TMEM245: variants seen among roughly 807,000 people sequenced by gnomAD.
The protein encoded by TMEM245 is transmembrane protein 245, also known as protein CG-2.
TMEM245 carries 69 observed loss-of-function variants against 101.2 expected under a neutral mutation model. The observed-to-expected ratio is 0.68, with a 90% CI of 0.56 to 0.83. The LOEUF is 0.83. Among genes scored for constraint, TMEM245 ranks in the 40% least tolerant of loss-of-function variants. The probability of loss-of-function intolerance (pLI) is 0.00; values close to 1 mark genes in which losing one functional copy is unlikely to be tolerated. For missense variants in TMEM245, 1,075 were observed against 1,092.8 expected (o/e 0.98, Z 0.23); for synonymous variants, 537 against 449.8 (o/e 1.19, Z -2.45).
At chr9:109,080,216 C>T (rs1205800308) in intron 8 of TMEM245, among the ~76,000 whole-genome samples, 2 of 151,780 alleles carry the variant, frequency 1.3e-5, no homozygotes, top group South Asian at 2.1e-4. Flanking sequence ...GAGTTCAATA[C>T]GGTTCAGATA....
chr9:109,044,948 T>C (rs1026463027), intron 14 of TMEM245, among the ~76,000 whole-genome samples: 4 of 151,886 alleles, frequency 2.6e-5, no homozygotes, highest in African/African-American at 9.7e-5. Flanking sequence ...TTAGTGGAGA[T>C]GGGGTTTCTC....
At position 109,033,407 on chromosome 9, in the gene TMEM245, T is replaced by C; in HGVS notation, c.2494A>G (p.Ile832Val). ...TAGATATTGGAAGCAACCACAAGTA[T>C]GCAGAGAAGAATAGGACCGATGATT... The part of the protein sequence containing the change: ...GAIIGPILLC[I>V]LVVASNIYSA... Residue 832 changes from isoleucine to valine, a missense_variant, in exon 17 of 18, where the codon ATA (isoleucine) becomes GTA (valine). Around this residue, in one of 2 missense-constraint regions of TMEM245, gnomAD observed 267 missense variants for 351.3 expected, o/e 0.76. Transcript: ENST00000374586. 6.2e-7 allele frequency: 1 copy of C among 1,614,170 alleles called. No individual in the cohort carries two copies. The highest frequency in any genetic ancestry group is 1.1e-5 in the South Asian group (1 of 91,086).
chr9:109,028,454 C>CA (rs3060541), intron 17 of TMEM245, among the ~76,000 whole-genome samples: 41,084 of 137,614 alleles, frequency 0.3, 7,230 homozygotes, highest in Admixed American at 0.44. Flanking sequence ...CACTCCATCT[C>CA]AAAAAAAAAA....
chr9:109,117,177 T>C (rs1307999054), intron 1 of TMEM245, among the ~76,000 whole-genome samples: 1 of 152,092 alleles, frequency 6.6e-6, no homozygotes, highest in Non-Finnish European at 1.5e-5. Context: ...TGGTGCAATC[T>C]TGGCTCACTC....
At chr9:109,090,480 T>G (rs1163114184) in intron 5 of TMEM245, among the ~76,000 whole-genome samples, 2 of 152,024 alleles carry the variant, frequency 1.3e-5, no homozygotes, top group African/African-American at 4.8e-5. Flanking sequence ...CCCAGCACTT[T>G]GGGAGGCCGA....
intron 3 of TMEM245, among the ~76,000 whole-genome samples, chr9:109,097,259 C>T (rs1176813746): frequency 6.6e-6 from 1 of 151,886 alleles, no homozygotes; most frequent in African/African-American, 2.4e-5. Flanking sequence ...TTCAGGAAGA[C>T]AAAAAAACAA....
At chr9:109,094,163 T>C (rs1363686418) in intron 3 of TMEM245, among the ~76,000 whole-genome samples, 3 of 152,248 alleles carry the variant, frequency 2.0e-5, no homozygotes, top group African/African-American at 7.2e-5. Flanking sequence ...TATATTTCCA[T>C]GTTAAATTCC....
At chr9:109,068,286 C>G (rs1053576594) in intron 9 of TMEM245, among the ~76,000 whole-genome samples, 1 of 150,746 alleles carries the variant, frequency 6.6e-6, no homozygotes. Flanking sequence ...AGGAGAATGG[C>G]GTGCACCTGG....
chr9:109,050,243 G>T (rs1280389879), intron 14 of TMEM245, 40 bp downstream of exon 14: 2 of 1,607,204 alleles, frequency 1.2e-6, no homozygotes, highest in Non-Finnish European at 1.7e-6. Flanking sequence ...TGGAAAAAAA[G>T]TTCTGGGAGA....
At chr9:109,055,233 A>T (rs1262822460) in intron 12 of TMEM245, among the ~76,000 whole-genome samples, 1 of 152,258 alleles carries the variant, frequency 6.6e-6, no homozygotes, top group Non-Finnish European at 1.5e-5. Flanking sequence ...CTTTTAGTTA[A>T]CACACCTGAA....
In TMEM245 at chr9:109,037,997, A is replaced by G. The variant is rs749916936; in HGVS notation, c.2224+20T>C. 1.3e-6 allele frequency: 2 copies of G among 1,530,618 alleles called. No homozygotes were observed. Among genetic ancestry groups the G allele is most frequent in the African/African-American group, 2.8e-5 (2 of 71,952 alleles). 94.8% of individuals were successfully genotyped at this position (1,530,618 alleles called of 1,614,324 possible). A position where few individuals can be genotyped will look rare whatever the true frequency, so the allele number is the denominator to read the frequency against. On this transcript the variant is annotated intron_variant, in intron 15 of 17. Coordinates refer to ENST00000374586, the MANE Select transcript of TMEM245 (RefSeq NM_032012.4). ...CTTTCCTTAAATAGCGAATAGTGGA[A>G]GGTACAATATGGTTGTTACCTGATG...
chr9:109,103,179 G>A (rs1830323361), intron 3 of TMEM245, among the ~76,000 whole-genome samples: 1 of 152,184 alleles, frequency 6.6e-6, no homozygotes, highest in African/African-American at 2.4e-5. Flanking sequence ...TATCCCTATT[G>A]CAGATGACTG....
At chr9:109,114,453 C>G (rs1830654919) in intron 1 of TMEM245, among the ~76,000 whole-genome samples, 1 of 152,138 alleles carries the variant, frequency 6.6e-6, no homozygotes, top group South Asian at 2.1e-4. Context: ...ATTGTTCAAG[C>G]CAACCCCTCA....
chr9:109,059,421 C>G (rs1828940959), intron 11 of TMEM245, among the ~76,000 whole-genome samples: 1 of 152,176 alleles, frequency 6.6e-6, no homozygotes, highest in Non-Finnish European at 1.5e-5. Flanking sequence ...CCAACTCTAT[C>G]CACTCTATAC....
intron 17 of TMEM245, among the ~76,000 whole-genome samples, chr9:109,027,723 T>G (rs1024619833): frequency 7.2e-5 from 11 of 152,246 alleles, no homozygotes; most frequent in Admixed American, 5.2e-4. Context: ...CAGGCTGCAG[T>G]GCAGTGGTGC....
chr9:109,118,630 G>C (rs1456867425), intron 1 of TMEM245, among the ~76,000 whole-genome samples: 1 of 152,230 alleles, frequency 6.6e-6, no homozygotes, highest in African/African-American at 2.4e-5. Flanking sequence ...GCGGTCAGCT[G>C]CTTTACTCCA....
rs1828471488 is a variant in TMEM245 at position 109,045,756 on chromosome 9, T to C, written c.2123+4527A>G. 3.9e-5 allele frequency among the ~76,000 whole-genome samples: 6 copies of C among 152,344 alleles called. No homozygotes were observed. In the South Asian group the frequency reaches 1.2e-3, roughly 32 times the overall value. ...GAAACTTAAGTTTATGAGATGAATC[T>C]TTCATCAGGTAGGTTAAGCATACCT... On this transcript the variant is annotated intron_variant, in intron 14 of 17. Coordinates refer to ENST00000374586, the MANE Select transcript of TMEM245 (RefSeq NM_032012.4).
Position 109,019,984 on chromosome 9 carries a change from C to T in TMEM245, c.*476G>A, listed in dbSNP as rs1564163687. 6.5e-6 allele frequency: 1 copy of T among 153,292 alleles called. No individual in the cohort carries two copies. 9.5% of individuals were successfully genotyped at this position (153,292 alleles called of 1,614,324 possible). A position where few individuals can be genotyped will look rare whatever the true frequency, so the allele number is the denominator to read the frequency against. On this transcript the variant is annotated 3_prime_UTR_variant, in exon 18 of 18. Transcript: ENST00000374586. ...GTAGAAGATTCATTTTTCCTGCTCA[C>T]TCAACTACACACTCAAAAGTGAAAG...
At chr9:109,037,529 GTGAA>G (rs1828168159) in intron 15 of TMEM245, among the ~76,000 whole-genome samples, 1 of 152,128 alleles carries the variant, frequency 6.6e-6, no homozygotes, top group African/African-American at 2.4e-5. Flanking sequence ...TCTCATGATA[GTGAA>G]TGAATGAGTT....
Sources: allele counts gnomAD v4.1 joint callset (sites outside exome capture counted in the v4.1 genomes callset), GRCh38; gene constraint gnomAD v4.1.1; regional missense constraint gnomAD v4.1.1; transcripts MANE v1.5; gene names NCBI Gene and HGNC (gene_info 2026-07-23, HGNC 2026-07-21).